Variants in TNPO3 observed in about 807,000 individuals in gnomAD.
TNPO3 encodes the protein transportin-3.
Under a neutral mutation model 122.8 loss-of-function variants are expected in TNPO3, and 65 were observed. The ratio of observed to expected loss-of-function variants is 0.53; its 90% CI spans 0.43 to 0.65. TNPO3 has a LOEUF of 0.65. Ranked by LOEUF, TNPO3 falls within the 30% of genes least tolerant of loss-of-function variation. TNPO3 has a pLI of 0.00. For missense variants in TNPO3, 850 were observed against 1,136.7 expected (o/e 0.75, Z 3.63); for synonymous variants, 372 against 411.2 (o/e 0.90, Z 1.15).
chr7:128,964,537 G>A (rs1043252453), intron 21 of TNPO3, among the ~76,000 whole-genome samples: 1 of 151,924 alleles, frequency 6.6e-6, no homozygotes, highest in African/African-American at 2.4e-5. Context: ...GGGTTTCACT[G>A]TTTTAGCCAG....
rs1264673599 is a variant in TNPO3, at chr7:128,984,191, C to T, written c.1759G>A (p.Val587Ile). ...ACCTTTTTCAATGCCATAACCTGAA[C>T]AGAACATAGTTCACTAAGACATTCG... Reference protein sequence around the residue: ...ITECLSELCSVQVMALKKLLS... With the variant: ...ITECLSELCSIQVMALKKLLS... Residue 587 changes from valine (V) to isoleucine (I), a missense_variant, in exon 13 of 23, where the codon GTT becomes ATT. Coordinates refer to ENST00000265388, the MANE Select transcript of TNPO3 (RefSeq NM_012470.4). 4 of 1,611,274 alleles carry T rather than the reference C, an allele frequency of 2.5e-6. No individual in the cohort carries two copies. Among genetic ancestry groups the T allele is most frequent in the Non-Finnish European group, 3.4e-6 (4 of 1,178,680 alleles).
At chr7:129,040,983 C>T (rs1487063813) in intron 1 of TNPO3, among the ~76,000 whole-genome samples, 3 of 152,128 alleles carry the variant, frequency 2.0e-5, no homozygotes, top group African/African-American at 7.2e-5. Context: ...ACATCGTCAA[C>T]GAAAAATCAC....
chr7:128,980,436 C>T (rs985876039), intron 14 of TNPO3, among the ~76,000 whole-genome samples: 6 of 152,068 alleles, frequency 3.9e-5, no homozygotes, highest in African/African-American at 7.2e-5. Context: ...GGTGAAAACC[C>T]GTCTCTACTA....
intron 4 of TNPO3, among the ~76,000 whole-genome samples, chr7:129,012,487 C>T (rs1409374803): frequency 1.3e-5 from 2 of 152,102 alleles, no homozygotes; most frequent in East Asian, 3.8e-4. Flanking sequence ...TTTTTGAGTG[C>T]CAACATAACG....
intron 22 of TNPO3, among the ~76,000 whole-genome samples, chr7:128,955,917 T>G (rs145325448): frequency 6.6e-6 from 1 of 152,238 alleles, no homozygotes; most frequent in South Asian, 2.1e-4. Context: ...TCAGGCAAAT[T>G]GTTAAACATT....
chr7:129,037,631 G>A (rs1806849439), intron 1 of TNPO3, among the ~76,000 whole-genome samples: 1 of 152,166 alleles, frequency 6.6e-6, no homozygotes, highest in Admixed American at 6.5e-5. Context: ...AGTCCTGGAG[G>A]AGGGGAAGAG....
At chr7:128,981,584 T>C (rs1236893160) in intron 14 of TNPO3, among the ~76,000 whole-genome samples, 1 of 152,038 alleles carries the variant, frequency 6.6e-6, no homozygotes, top group Non-Finnish European at 1.5e-5. Flanking sequence ...ATCTAATGAA[T>C]CAGACACTGA....
intron 1 of TNPO3, 107 bp downstream of exon 1, chr7:129,054,544 A>T (rs1211622959): frequency 6.6e-7 from 1 of 1,513,122 alleles, no homozygotes; most frequent in East Asian, 2.3e-5. Flanking sequence ...GCTCCTCCCC[A>T]AGGAGGACCT....
In TNPO3 at chr7:128,970,322, G is replaced by A. The variant is rs183284430; in HGVS notation, c.2431-7C>T. 3.8e-6 allele frequency: 6 copies of A among 1,567,860 alleles called. No individual in the cohort carries two copies. The highest frequency in any genetic ancestry group is 5.2e-6 in the Non-Finnish European group (6 of 1,155,940). ...ATTCAAAGTCTTCTTCATGCTGTAT[G>A]TAGGAAAGCAGGAACATCAGATAAA... On this transcript the variant is annotated splice_polypyrimidine_tract_variant and splice_region_variant and intron_variant, in intron 19 of 22. Coordinates refer to ENST00000265388, the MANE Select transcript of TNPO3 (RefSeq NM_012470.4).
chr7:129,053,672 A>C (rs953579110), intron 1 of TNPO3, among the ~76,000 whole-genome samples: 1 of 152,276 alleles, frequency 6.6e-6, no homozygotes, highest in African/African-American at 2.4e-5. Context: ...CAAAAAAAAT[A>C]TGGTTGTGAG....
At chr7:128,979,356 C>T (rs987256839) in intron 15 of TNPO3, among the ~76,000 whole-genome samples, 1 of 152,158 alleles carries the variant, frequency 6.6e-6, no homozygotes, top group Non-Finnish European at 1.5e-5. Flanking sequence ...TCTAACTTTG[C>T]TAAATGACAG....
chr7:129,007,487 C>T (rs867153392), intron 4 of TNPO3, among the ~76,000 whole-genome samples: 7 of 152,104 alleles, frequency 4.6e-5, no homozygotes, highest in Admixed American at 6.5e-5. Flanking sequence ...GATAATGATT[C>T]GTGTATTACC....
chr7:128,966,098 G>A (rs1167230940), intron 21 of TNPO3, among the ~76,000 whole-genome samples: 1 of 152,086 alleles, frequency 6.6e-6, no homozygotes, highest in Middle Eastern at 3.2e-3. Flanking sequence ...TTTTATAACA[G>A]TTAAAAAATT....
chr7:128,990,681 G>A (rs1054468309), intron 10 of TNPO3, among the ~76,000 whole-genome samples: 4 of 152,178 alleles, frequency 2.6e-5, no homozygotes, highest in Admixed American at 6.5e-5. Context: ...AAGTTGCCCC[G>A]ATTTGGAACA....
Position 128,967,397 on chromosome 7 carries a change from A to G in TNPO3, c.2599-5T>C. 1 of 1,596,450 alleles carries G rather than the reference A, an allele frequency of 6.3e-7. No homozygotes were observed. Among genetic ancestry groups the G allele is most frequent in the Non-Finnish European group, 8.6e-7 (1 of 1,163,972 alleles). On this transcript the variant is annotated splice_polypyrimidine_tract_variant and splice_region_variant and intron_variant, in intron 20 of 22. Coordinates refer to ENST00000265388, the MANE Select transcript of TNPO3 (RefSeq NM_012470.4). ...TTCTAACCATCGACAAAAAGTCTGT[A>G]TAGGAAAGAGGGGTAAGAGTTTTAA...
In TNPO3 at chr7:129,016,913, C is replaced by T. The variant is rs918350374; in HGVS notation, c.395+70G>A. The stretch of plus-strand genomic sequence containing the variant: ...GAAATAGTCAAATATCTAGCTATTG[C>T]TAACAAATTTCTCTGTGTAGGTTAA... On this transcript the variant is annotated intron_variant, in intron 3 of 22. Coordinates refer to ENST00000265388, the MANE Select transcript of TNPO3 (RefSeq NM_012470.4). The T allele has an allele frequency of 2.2e-6, 3 of 1,344,364 alleles. No homozygotes were observed. In the African/African-American group the frequency reaches 4.3e-5, roughly 19 times the overall value. The allele number at this position is 1,344,364 out of a possible 1,614,324, so 83.3% of individuals were successfully genotyped here. A position where few individuals can be genotyped will look rare whatever the true frequency, so the allele number is the denominator to read the frequency against.
chr7:128,980,405 C>A (rs148681141), intron 14 of TNPO3, among the ~76,000 whole-genome samples: 1 of 152,260 alleles, frequency 6.6e-6, no homozygotes, highest in African/African-American at 2.4e-5. Context: ...TCCAGGAGTT[C>A]AAGACCAGCC....
chr7:129,000,400 T>TA (rs1801812377), intron 7 of TNPO3, 29 bp downstream of exon 7: 11 of 1,564,152 alleles, frequency 7.0e-6, no homozygotes, highest in Non-Finnish European at 9.5e-6. Flanking sequence ...ACTTGGAGAA[T>TA]AATGGCCTTT....
chr7:128,966,806 G>A (rs766845267), intron 21 of TNPO3, among the ~76,000 whole-genome samples: 17 of 152,156 alleles, frequency 1.1e-4, no homozygotes, highest in Non-Finnish European at 2.1e-4. Context: ...CAGATGTTCT[G>A]TTTGGACTAC....
Sources: gnomAD v4.1 joint callset for allele counts (sites outside exome capture counted in the v4.1 genomes callset) on GRCh38, gnomAD v4.1.1 for gene constraint, MANE v1.5 for transcripts, NCBI Gene and HGNC (gene_info 2026-07-23, HGNC 2026-07-21) for gene names.